ATRN: variants seen among roughly 807,000 people sequenced by gnomAD.
ATRN encodes attractin-2.
In ATRN, 54 loss-of-function variants were observed where a neutral mutation model predicts 178.7. The observed-to-expected ratio is 0.30, with a 90% CI of 0.24 to 0.38. The LOEUF is 0.38. Ranked by LOEUF, ATRN falls within the 10% of genes least tolerant of loss-of-function variation. ATRN has a pLI of 1.00. For missense variants in ATRN, 1,443 were observed against 1,815.1 expected (o/e 0.79, Z 3.73); for synonymous variants, 636 against 663.0 (o/e 0.96, Z 0.63).
Position 3,624,549 on chromosome 20 carries a change from A to C in ATRN, c.3840A>C (p.Val1280=). 6.2e-7 allele frequency: 1 copy of C among 1,614,076 alleles called. No individual in the cohort carries two copies. The highest frequency in any genetic ancestry group is 8.5e-7 in the Non-Finnish European group (1 of 1,179,948). ...FSQHSNFMDL[V]QFFVTFFSCF... ...AGCACAGCAATTTTATGGACCTGGT[A>C]CAGTTCTTCGTGACTTTCTTCAGGT... Residue 1280 remains valine (V), a synonymous_variant, in exon 25 of 29, where the codon GTA becomes GTC. Transcript: ENST00000262919.
intron 23 of ATRN, 77 bp downstream of exon 23, chr20:3,601,101 C>T (rs1233220853): frequency 2.0e-5 from 27 of 1,358,192 alleles, no homozygotes; most frequent in African/African-American, 2.9e-5. Context: ...ATTGAGAAAG[C>T]GAGCTCAGGA....
intron 1 of ATRN, among the ~76,000 whole-genome samples, chr20:3,513,554 C>A (rs1482539218): frequency 1.3e-5 from 2 of 152,108 alleles, no homozygotes; most frequent in African/African-American, 4.8e-5. Context: ...ATGCCTCCAG[C>A]TTTGTTCTTT....
intron 1 of ATRN, among the ~76,000 whole-genome samples, chr20:3,500,438 A>G (rs371985853): frequency 2.0e-5 from 3 of 152,036 alleles, no homozygotes; most frequent in Admixed American, 6.6e-5. Flanking sequence ...AACCAACCCA[A>G]ATGTCCAACA....
intron 25 of ATRN, among the ~76,000 whole-genome samples, chr20:3,626,875 C>A (rs1217871950): frequency 1.3e-5 from 2 of 151,072 alleles, no homozygotes; most frequent in Non-Finnish European, 2.9e-5. Flanking sequence ...CAACCGCCGC[C>A]TCCCGGGTTC....
In ATRN at chr20:3,550,745, G is replaced by A. The variant is rs550170483; in HGVS notation, c.1112+1407G>A. On this transcript the variant is annotated intron_variant, in intron 6 of 28. Transcript: ENST00000262919. Reference sequence around the variant, plus strand: ...GGCACAGGTGGCACCCAGAGATCTCGTAGGAGATTGGATCTCTACAGAGCT... The same window carrying A: ...GGCACAGGTGGCACCCAGAGATCTCATAGGAGATTGGATCTCTACAGAGCT... Among the ~76,000 whole-genome samples the A allele has an allele frequency of 6.6e-5, 10 of 152,234 alleles. No homozygotes were observed. The East Asian group carries it at 1.7e-3, about 26-fold the overall frequency.
chr20:3,541,994 A>G (rs987412019), intron 3 of ATRN, among the ~76,000 whole-genome samples: 1 of 152,058 alleles, frequency 6.6e-6, no homozygotes, highest in South Asian at 2.1e-4. Context: ...GTGTTTTTCT[A>G]CCCGCTTTGG....
intron 1 of ATRN, among the ~76,000 whole-genome samples, chr20:3,495,382 G>A (rs898634820): frequency 6.6e-6 from 1 of 152,196 alleles, no homozygotes; most frequent in Admixed American, 6.5e-5. Context: ...AGAGGGGTTT[G>A]TGTTAGGGCC....
At chr20:3,569,444 TAAAA>T (rs995140776) in intron 11 of ATRN, among the ~76,000 whole-genome samples, 5 of 151,924 alleles carry the variant, frequency 3.3e-5, no homozygotes. Flanking sequence ...ATATAAAAGA[TAAAA>T]AAATGTACAC....
At chr20:3,566,140 G>C (rs1204627943) in intron 11 of ATRN, among the ~76,000 whole-genome samples, 1 of 152,182 alleles carries the variant, frequency 6.6e-6, no homozygotes, top group East Asian at 1.9e-4. Context: ...GTTTGGAAAA[G>C]AGGAGAGAGG....
intron 1 of ATRN, among the ~76,000 whole-genome samples, chr20:3,518,952 G>A (rs981363260): frequency 3.4e-4 from 49 of 146,108 alleles, no homozygotes; most frequent in African/African-American, 1.1e-3. Context: ...GAAGCTTGAG[G>A]TTATTTCTAA....
At chr20:3,617,109 G>A (rs533275439) in intron 24 of ATRN, among the ~76,000 whole-genome samples, 16 of 152,178 alleles carry the variant, frequency 1.1e-4, no homozygotes, top group East Asian at 7.7e-4. Flanking sequence ...TAAAGGAGCC[G>A]ACACCTTTTT....
At chr20:3,567,011 A>G (rs574961206) in intron 11 of ATRN, among the ~76,000 whole-genome samples, 1 of 151,930 alleles carries the variant, frequency 6.6e-6, no homozygotes, top group Admixed American at 6.6e-5. Flanking sequence ...AAAAGGTGCT[A>G]TCTTATATAA....
intron 18 of ATRN, among the ~76,000 whole-genome samples, chr20:3,590,170 C>A (rs1298875765): frequency 1.3e-5 from 2 of 152,154 alleles, no homozygotes; most frequent in African/African-American, 4.8e-5. Context: ...AGGCTGATCT[C>A]GAACTCCTGA....
Position 3,535,337 on chromosome 20 carries a change from G to A in ATRN, c.494+1G>A. Reference sequence around the variant, plus strand: ...AGTGCACGTGGCTCATTGAAGGACAGTAAGTAGAAATGGCTGACTTAATTT... The same window carrying A: ...AGTGCACGTGGCTCATTGAAGGACAATAAGTAGAAATGGCTGACTTAATTT... On this transcript the variant is annotated splice_donor_variant, in intron 2 of 28. Coordinates refer to ENST00000262919, the MANE Select transcript of ATRN (RefSeq NM_139321.3). LOFTEE classifies it high-confidence loss of function. The A allele has an allele frequency of 6.6e-7, 1 of 1,516,026 alleles. No individual in the cohort carries two copies. The allele number at this position is 1,516,026 out of a possible 1,614,324, so 93.9% of individuals were successfully genotyped here. A position where few individuals can be genotyped will look rare whatever the true frequency, so the allele number is the denominator to read the frequency against.
At chr20:3,594,601 G>C (rs235532) in intron 20 of ATRN, 29 bp downstream of exon 20, 1,186,801 of 1,581,618 alleles carry the variant, frequency 0.75, 448,494 homozygotes, top group East Asian at 0.99. Context: ...GGACCACCAG[G>C]GAGGACCAAG....
chr20:3,506,317 A>C (rs974152009), intron 1 of ATRN, among the ~76,000 whole-genome samples: 1 of 152,168 alleles, frequency 6.6e-6, no homozygotes, highest in African/African-American at 2.4e-5. Flanking sequence ...AAGGAGACTA[A>C]GAAGACATTA....
At chr20:3,485,011 TA>T (rs1268920651) in intron 1 of ATRN, among the ~76,000 whole-genome samples, 7 of 151,628 alleles carry the variant, frequency 4.6e-5, no homozygotes, top group African/African-American at 1.7e-4. Flanking sequence ...TGAAGTCTGG[TA>T]AACTTATTCA....
intron 3 of ATRN, among the ~76,000 whole-genome samples, chr20:3,541,700 C>G (rs2085624831): frequency 6.6e-6 from 1 of 152,088 alleles, no homozygotes; most frequent in Admixed American, 6.6e-5. Flanking sequence ...TATATGTGGT[C>G]CATTGTTGAC....
chr20:3,533,708 T>A (rs77488938), intron 1 of ATRN, among the ~76,000 whole-genome samples: 6,079 of 152,302 alleles, frequency 0.04, 159 homozygotes, highest in Non-Finnish European at 0.058. Flanking sequence ...GGGTTTTTTT[T>A]ATCTTGGTGG....
Sources: allele counts gnomAD v4.1 joint callset (sites outside exome capture counted in the v4.1 genomes callset), GRCh38; gene constraint gnomAD v4.1.1; transcripts MANE v1.5; gene names NCBI Gene and HGNC (gene_info 2026-07-23, HGNC 2026-07-21).